Variants in VASH1 observed in about 807,000 individuals in gnomAD.
The protein encoded by VASH1 is tubulinyl-Tyr carboxypeptidase 1.
Under a neutral mutation model 35.0 loss-of-function variants are expected in VASH1, and 16 were observed. The ratio of observed to expected loss-of-function variants is 0.46; its 90% CI spans 0.31 to 0.70. VASH1 has a LOEUF of 0.70. Among genes scored for constraint, VASH1 ranks in the 30% least tolerant of loss-of-function variants. The pLI is 0.05. For synonymous variants in VASH1, 214 were observed against 200.9 expected (o/e 1.07, Z -0.55); for missense variants, 505 against 510.7 (o/e 0.99, Z 0.11).
chr14:76,765,268 G>A (rs551839755), intron 1 of VASH1, among the ~76,000 whole-genome samples: 2 of 152,300 alleles, frequency 1.3e-5, no homozygotes, highest in African/African-American at 4.8e-5. Context: ...TCATGTACAG[G>A]AAAGACACGG....
At chr14:76,773,338 C>A in intron 4 of VASH1, 127 bp downstream of exon 4, 2 of 957,132 alleles carry the variant, frequency 2.1e-6, no homozygotes, top group Non-Finnish European at 3.1e-6. Flanking sequence ...TCTGCTTGGC[C>A]CCAAGATGGA....
At chr14:76,769,419 T>C (rs1227480014) in intron 1 of VASH1, 1 of 1,289,094 alleles carries the variant, frequency 7.8e-7, no homozygotes, top group Admixed American at 2.3e-5. Context: ...ACTGACTCCT[T>C]GACAGTTCAA....
intron 5 of VASH1, 29 bp downstream of exon 5, chr14:76,776,302 C>T (rs1351293063): frequency 5.5e-6 from 8 of 1,448,918 alleles, no homozygotes; most frequent in Non-Finnish European, 5.6e-6. Context: ...CCCTCGCCCC[C>T]TCCCTCGCCC....
rs149417254 is a variant in VASH1 at position 76,770,007 on chromosome 14, C to T, written c.354C>T (p.Val118=). 75 of 1,614,150 alleles carry T rather than the reference C, an allele frequency of 4.6e-5. No homozygotes were observed. The African/African-American group carries it at 5.5e-4, about 12-fold the overall frequency. The part of the protein sequence containing the change: ...SVPTFQPSTP[V]PERLEAVQRY... ...CTACGTTCCAGCCGTCTACACCTGT[C>T]CCTGAGCGCCTGGAAGCTGTGCAGC... Residue 118 remains valine (V), a synonymous_variant, in exon 2 of 7, where the codon GTC becomes GTT. Coordinates refer to ENST00000167106, the MANE Select transcript of VASH1 (RefSeq NM_014909.5).
chr14:76,770,866 T>A (rs1055857099), intron 2 of VASH1, among the ~76,000 whole-genome samples: 1 of 152,210 alleles, frequency 6.6e-6, no homozygotes, highest in Non-Finnish European at 1.5e-5. Flanking sequence ...TAGCCTCCTC[T>A]CAGTTCCTGT....
Position 76,779,909 on chromosome 14 carries a change from G to A in VASH1, c.*891G>A, listed in dbSNP as rs1312909580. 6 of 249,498 alleles carry A rather than the reference G, an allele frequency of 2.4e-5. No homozygotes were observed. In the South Asian group the frequency reaches 6.1e-4, roughly 25 times the overall value. 15.5% of individuals were successfully genotyped at this position (249,498 alleles called of 1,614,324 possible). On this transcript the variant is annotated 3_prime_UTR_variant, in exon 7 of 7. Coordinates refer to ENST00000167106, the MANE Select transcript of VASH1 (RefSeq NM_014909.5). ...GCTGTGGCTGGACATGGGGTGATGG[G>A]GCGGGATGCTTGGGCCTGGGTCTCT... is the stretch of plus-strand genomic sequence containing the variant.
chr14:76,776,887 CTG>C (rs1303906883), intron 5 of VASH1, among the ~76,000 whole-genome samples: 1 of 152,166 alleles, frequency 6.6e-6, no homozygotes, highest in South Asian at 2.1e-4. Flanking sequence ...CACTGCTGCA[CTG>C]TGACTGCCCC....
chr14:76,778,223 GT>G, intron 6 of VASH1, 152 bp downstream of exon 6: 1 of 573,580 alleles, frequency 1.7e-6, no homozygotes, highest in South Asian at 3.2e-5. Context: ...GGGTTTAGAG[GT>G]TTGTGTATTG....
Position 76,778,997 on chromosome 14 carries a change from C to G in VASH1, c.1077C>G (p.Asn359Lys). The change falls in exon 7 of 7, where the codon AAC (asparagine) becomes AAG (lysine). Residue 359 changes from asparagine to lysine, a missense_variant. By Grantham distance (94) the Asn-to-Lys change is moderately conservative. Transcript: ENST00000167106. ...AGCCCAAAGCCATGCCAGACCTTAA[C>G]GGGTACCAGATCCGGGTCTGAGGCG... is the stretch of plus-strand genomic sequence containing the variant. ...TSEPKAMPDL[N>K]GYQIRV The G allele has an allele frequency of 3.7e-6, 6 of 1,614,148 alleles. No individual in the cohort carries two copies. The highest frequency in any genetic ancestry group is 5.1e-6 in the Non-Finnish European group (6 of 1,180,028).
intron 3 of VASH1, 89 bp from the exon 4 acceptor site, chr14:76,773,048 A>G: frequency 7.6e-7 from 1 of 1,323,524 alleles, no homozygotes; most frequent in Non-Finnish European, 1.1e-6. Context: ...TCCTTCTAGC[A>G]TTTCTAGTCC....
At chr14:76,770,208 G>A (rs117540966) in intron 2 of VASH1, among the ~76,000 whole-genome samples, 157 bp downstream of exon 2, 3 of 152,172 alleles carry the variant, frequency 2.0e-5, no homozygotes, top group Non-Finnish European at 2.9e-5. Flanking sequence ...GCTGTGGGAC[G>A]CGGCGCGTGT....
chr14:76,767,931 C>G (rs545713563), intron 1 of VASH1, among the ~76,000 whole-genome samples: 1 of 152,340 alleles, frequency 6.6e-6, no homozygotes, highest in Non-Finnish European at 1.5e-5. Context: ...CTGCCTGGTC[C>G]CGGCCCAGGC....
rs1260006876 is a variant in VASH1, at chr14:76,776,045, C to G, written c.684C>G (p.Tyr228Ter). ...TGAGTCGGCGCGAGGACCTGATGTA[C>G]AAGCCGCCCGCCTTCCGCACGCTCA... ...LGMSRREDLM[Y>*]KPPAFRTLSE... is the part of the protein sequence containing the mutation. The change falls in exon 5 of 7, where the codon TAC becomes TAG. Residue 228 changes from tyrosine to a stop codon, truncating the protein, a stop_gained. Coordinates refer to ENST00000167106, the MANE Select transcript of VASH1 (RefSeq NM_014909.5). LOFTEE classifies it high-confidence loss of function. 6.2e-7 allele frequency: 1 copy of G among 1,610,928 alleles called. No individual in the cohort carries two copies. Among genetic ancestry groups the G allele is most frequent in the African/African-American group, 1.3e-5 (1 of 74,938 alleles).
chr14:76,770,233 G>A (rs764015334), intron 2 of VASH1, among the ~76,000 whole-genome samples, 182 bp downstream of exon 2: 9 of 152,136 alleles, frequency 5.9e-5, no homozygotes, highest in African/African-American at 9.7e-5. Context: ...CCTGGGTGTC[G>A]GAGGAATTTT....
intron 5 of VASH1, among the ~76,000 whole-genome samples, chr14:76,777,135 G>A (rs529655661): frequency 1.0e-3 from 155 of 152,304 alleles, no homozygotes; most frequent in Non-Finnish European, 1.8e-3. Context: ...TCCTGGCAGG[G>A]GTTTGTAAGA....
chr14:76,763,800 G>A (rs895736411), intron 1 of VASH1, among the ~76,000 whole-genome samples: 2 of 152,108 alleles, frequency 1.3e-5, no homozygotes, highest in Admixed American at 6.5e-5. Flanking sequence ...TAATTTTTCT[G>A]TGTTGGCTGT....
chr14:76,772,763 G>C (rs1211419410), intron 3 of VASH1, among the ~76,000 whole-genome samples: 8 of 152,228 alleles, frequency 5.3e-5, no homozygotes, highest in Admixed American at 3.9e-4. Flanking sequence ...CGATGCTGAC[G>C]TCCCTCCTCC....
chr14:76,778,001 A>C lies in VASH1; in HGVS notation c.955A>C (p.Lys319Gln). The change falls in exon 6 of 7, where the codon AAG (lysine) becomes CAG (glutamine). Residue 319 changes from lysine to glutamine, a missense_variant. Lys to Gln is a moderately conservative substitution (Grantham distance 53). Transcript: ENST00000167106. ...TGPPSPTKDR[K>Q]KDVSSPQRAQ... ...CCCTCCCTCTCCCACCAAGGACCGG[A>C]AGAAGGATGTTTCTTCCCCGCAGCG... 1 of 1,549,086 alleles carries C rather than the reference A, an allele frequency of 6.5e-7. No individual in the cohort carries two copies. Among genetic ancestry groups the C allele is most frequent in the Non-Finnish European group, 8.7e-7 (1 of 1,148,734 alleles).
intron 5 of VASH1, among the ~76,000 whole-genome samples, chr14:76,776,932 C>G (rs146575763): frequency 6.6e-6 from 1 of 152,168 alleles, no homozygotes; most frequent in Non-Finnish European, 1.5e-5. Context: ...CCTCAACCAC[C>G]GACCTCTGCA....
Sources: gnomAD v4.1 joint callset for allele counts (sites outside exome capture counted in the v4.1 genomes callset) on GRCh38, gnomAD v4.1.1 for gene constraint, MANE v1.5 for transcripts, NCBI Gene and HGNC (gene_info 2026-07-23, HGNC 2026-07-21) for gene names.